ALMS1: variants seen among roughly 807,000 people sequenced by gnomAD.
ALMS1 encodes the protein ALMS1 centrosome and basal body associated protein, also known as centrosome-associated protein ALMS1.
ALMS1 carries 271 observed loss-of-function variants against 352.2 expected under a neutral mutation model. The ratio of observed to expected loss-of-function variants is 0.77; its 90% CI spans 0.70 to 0.85. The LOEUF (loss-of-function observed/expected upper bound fraction) is 0.85. Ranked by LOEUF, ALMS1 falls within the 40% of genes least tolerant of loss-of-function variation. The pLI is 0.00. For missense variants in ALMS1, 5,445 were observed against 4,870.7 expected, an observed-to-expected ratio of 1.12 and a Z score of -3.51; for synonymous variants, 1,865 against 1,761.2, an observed-to-expected ratio of 1.06 and a Z score of -1.48.
chr2:73,406,174 T>C (rs1006728606), intron 1 of ALMS1, among the ~76,000 whole-genome samples: 2 of 152,208 alleles, frequency 1.3e-5, no homozygotes, highest in Non-Finnish European at 2.9e-5. Context: ...TTTAAGTATT[T>C]AGGAGCTCCA....
intron 10 of ALMS1, among the ~76,000 whole-genome samples, chr2:73,499,188 G>T (rs559183610): frequency 3.9e-5 from 6 of 152,120 alleles, no homozygotes; most frequent in Non-Finnish European, 8.8e-5. Context: ...TTAGTGTTTT[G>T]ATTGGATTAT....
intron 9 of ALMS1, among the ~76,000 whole-genome samples, chr2:73,460,143 G>A (rs1255277246): frequency 2.6e-5 from 4 of 151,992 alleles, no homozygotes; most frequent in Middle Eastern, 6.8e-3. Flanking sequence ...TCCCTTGTAT[G>A]TTTCTCCCTC....
At chr2:73,589,784 C>T (rs1346052571) in intron 16 of ALMS1, among the ~76,000 whole-genome samples, 1 of 152,192 alleles carries the variant, frequency 6.6e-6, no homozygotes, top group Non-Finnish European at 1.5e-5. Context: ...TTCCCCAGCA[C>T]CACAGAACAT....
chr2:73,444,791 G>A (rs2103764155), intron 7 of ALMS1, among the ~76,000 whole-genome samples: 1 of 152,264 alleles, frequency 6.6e-6, no homozygotes, highest in Middle Eastern at 3.4e-3. Flanking sequence ...TTTGAACTGT[G>A]ATATATTGTG....
chr2:73,540,955 C>G (rs1006667836), intron 12 of ALMS1, among the ~76,000 whole-genome samples: 1 of 152,198 alleles, frequency 6.6e-6, no homozygotes, highest in African/African-American at 2.4e-5. Context: ...CAACATTAGA[C>G]AGATCAATGA....
Position 73,557,217 on chromosome 2 carries a change from C to T in ALMS1, c.10079-3C>T. On this transcript the variant is annotated splice_region_variant and splice_polypyrimidine_tract_variant and intron_variant, in intron 13 of 22. Transcript: ENST00000613296. Reference sequence around the variant, plus strand: ...CTGAAATCAAATGATGTCGTTATTCCAGATGCCTCAGTTCAAGTGCTAATC... The same window carrying T: ...CTGAAATCAAATGATGTCGTTATTCTAGATGCCTCAGTTCAAGTGCTAATC... The T allele has an allele frequency of 6.2e-7, 1 of 1,613,952 alleles. No homozygotes were observed. The highest frequency in any genetic ancestry group is 8.5e-7 in the Non-Finnish European group (1 of 1,179,966).
At chr2:73,471,126 C>A (rs945137389) in intron 9 of ALMS1, 4 of 151,404 alleles carry the variant, frequency 2.6e-5, no homozygotes, top group African/African-American at 9.7e-5. Context: ...CTTACTAGTT[C>A]CATTTTGTTA....
Position 73,534,829 on chromosome 2 carries a change from C to T in ALMS1, c.9787C>T (p.Pro3263Ser). 1 of 1,613,376 alleles carries T rather than the reference C, an allele frequency of 6.2e-7. No homozygotes were observed. The change falls in exon 12 of 23, where the codon CCT becomes TCT. Residue 3263 changes from proline to serine, a missense_variant. By Grantham distance (74) the Pro-to-Ser change is moderately conservative (BLOSUM62 -1). Coordinates refer to ENST00000613296, the MANE Select transcript of ALMS1 (RefSeq NM_001378454.1). ...TCTGATTTTTACCTCCTTAGGCCAG[C>T]CTTTATTATTGCCATATAAGCCTTC... ...VTFSRGTDGQ[P>S]LLLPYKPSGS...
intron 2 of ALMS1, among the ~76,000 whole-genome samples, chr2:73,415,593 C>G (rs1671169345): frequency 1.3e-5 from 2 of 151,964 alleles, no homozygotes; most frequent in South Asian, 4.2e-4. Context: ...TAGGAGCGTT[C>G]AATAGTTCTG....
rs1362161289 is a variant in ALMS1 at position 73,546,290 on chromosome 2, G to A, written c.9908-3977G>A. 2.6e-5 allele frequency among the ~76,000 whole-genome samples: 4 copies of A among 152,072 alleles called. No homozygotes were observed. The East Asian group carries it at 7.7e-4, about 29-fold the overall frequency. On this transcript the variant is annotated intron_variant, in intron 12 of 22. Transcript: ENST00000613296. ...TAGGATATATAACCAAGGTTTAGTT[G>A]GGTTTTCTTTTATTGTTTCCTTCAT...
chr2:73,587,602 C>A (rs1278138385), intron 16 of ALMS1, among the ~76,000 whole-genome samples: 1 of 152,152 alleles, frequency 6.6e-6, no homozygotes, highest in Non-Finnish European at 1.5e-5. Flanking sequence ...CATGTTAAGC[C>A]ATCCCTGCAT....
At chr2:73,386,271 C>G in intron 1 of ALMS1, 79 bp downstream of exon 1, 2 of 1,415,844 alleles carry the variant, frequency 1.4e-6, no homozygotes, top group Non-Finnish European at 1.8e-6. Flanking sequence ...CGCCCGCCCG[C>G]AGGTCACGCC....
chr2:73,390,722 C>T (rs1670626258), intron 1 of ALMS1, among the ~76,000 whole-genome samples: 1 of 151,812 alleles, frequency 6.6e-6, no homozygotes, highest in Admixed American at 6.6e-5. Flanking sequence ...ACTAGAAATT[C>T]TTGGTCTCCA....
chr2:73,436,433 A>G (rs959286231), intron 7 of ALMS1, among the ~76,000 whole-genome samples: 3 of 152,024 alleles, frequency 2.0e-5, no homozygotes, highest in African/African-American at 7.2e-5. Context: ...CTAATTTGGG[A>G]AGTTTTCAGC....
chr2:73,538,830 CT>C (rs1674091791), intron 12 of ALMS1, among the ~76,000 whole-genome samples: 1 of 152,112 alleles, frequency 6.6e-6, no homozygotes, highest in African/African-American at 2.4e-5. Context: ...GGCAGCGAGG[CT>C]GGGGGATGGG....
intron 10 of ALMS1, among the ~76,000 whole-genome samples, chr2:73,498,721 A>G (rs897967610): frequency 5.3e-5 from 8 of 152,176 alleles, no homozygotes; most frequent in African/African-American, 1.9e-4. Flanking sequence ...CTCTAGTTCC[A>G]TCCATATTGT....
Position 73,507,559 on chromosome 2 carries a change from C to A in ALMS1, c.9540-12216C>A, listed in dbSNP as rs1673353860. 2.0e-5 allele frequency among the ~76,000 whole-genome samples: 3 copies of A among 152,068 alleles called. No individual in the cohort carries two copies. The South Asian group carries it at 6.2e-4, about 32-fold the overall frequency. ...TCTTCTAGATTTTCTAGTTTATTTG[C>A]GTAGAGGTGTTTGCAGTATTCTCTG... On this transcript the variant is annotated intron_variant, in intron 10 of 22. Transcript: ENST00000613296.
Position 73,609,793 on chromosome 2 carries a change from A to C in ALMS1, c.*181A>C. ...TTAAAATTCCTAATGGTTTGGGAGC[A>C]ATACTTTCTGCATAGTGGCCTTGTC... On this transcript the variant is annotated 3_prime_UTR_variant, in exon 23 of 23. Coordinates refer to ENST00000613296, the MANE Select transcript of ALMS1 (RefSeq NM_001378454.1). 1.6e-6 allele frequency: 1 copy of C among 642,828 alleles called. No homozygotes were observed. Among genetic ancestry groups the C allele is most frequent in the South Asian group, 1.8e-5 (1 of 54,374 alleles). The allele number at this position is 642,828 out of a possible 1,614,324, so 39.8% of individuals were successfully genotyped here.
intron 1 of ALMS1, among the ~76,000 whole-genome samples, chr2:73,395,567 T>C (rs1670744275): frequency 6.6e-6 from 1 of 152,186 alleles, no homozygotes; most frequent in Non-Finnish European, 1.5e-5. Flanking sequence ...TGGAATTATT[T>C]TTCTTAATTG....
Sources: gnomAD v4.1 joint callset for allele counts (sites outside exome capture counted in the v4.1 genomes callset) on GRCh38, gnomAD v4.1.1 for gene constraint, MANE v1.5 for transcripts, NCBI Gene and HGNC (gene_info 2026-07-23, HGNC 2026-07-21) for gene names.